DYM: variants seen among roughly 807,000 people sequenced by gnomAD.
DYM encodes dymeclin.
A neutral mutation model predicts 93.1 loss-of-function variants in DYM; 78 were observed. The observed-to-expected ratio is 0.84, with a 90% CI of 0.70 to 1.01. The LOEUF (loss-of-function observed/expected upper bound fraction) is 1.01, where lower values mean the gene tolerates loss of function less well. Ranked by LOEUF, DYM falls within the 50% of genes least tolerant of loss-of-function variation. The pLI is 0.00. For missense variants in DYM, 789 were observed against 845.0 expected (o/e 0.93, Z 0.82); for synonymous variants, 321 against 319.7 (o/e 1.00, Z -0.04).
chr18:49,327,298 G>A (rs766400949), intron 8 of DYM, among the ~76,000 whole-genome samples: 1 of 151,996 alleles, frequency 6.6e-6, no homozygotes, highest in Non-Finnish European at 1.5e-5. Context: ...AGCAGGGGTT[G>A]TGGGTAGATG....
At chr18:49,064,162 T>G (rs527587673) in intron 17 of DYM, among the ~76,000 whole-genome samples, 121 of 152,190 alleles carry the variant, frequency 8.0e-4, no homozygotes, top group Non-Finnish European at 1.6e-3. Flanking sequence ...GAATCCTACA[T>G]GAAACTGATA....
intron 6 of DYM, 127 bp from the exon 7 acceptor site, chr18:49,333,980 T>C: frequency 1.0e-6 from 1 of 966,632 alleles, no homozygotes; most frequent in East Asian, 2.7e-5. Context: ...TGAAAAATGT[T>C]AATACGTTTA....
At chr18:49,374,651 T>G (rs1376795243) in intron 5 of DYM, among the ~76,000 whole-genome samples, 2 of 152,310 alleles carry the variant, frequency 1.3e-5, no homozygotes, top group African/African-American at 4.8e-5. Flanking sequence ...TAATGAAAGG[T>G]AGCTTCAATA....
chr18:49,266,137 C>A (rs546258799), intron 11 of DYM, among the ~76,000 whole-genome samples: 1 of 151,772 alleles, frequency 6.6e-6, no homozygotes, highest in South Asian at 2.1e-4. Flanking sequence ...ATTAAACTAA[C>A]AAAAAATTGG....
intron 5 of DYM, among the ~76,000 whole-genome samples, chr18:49,374,731 G>A (rs2067332281): frequency 6.6e-6 from 1 of 152,136 alleles, no homozygotes; most frequent in African/African-American, 2.4e-5. Context: ...GGCCGAGGTG[G>A]GCAGATCACA....
intron 17 of DYM, among the ~76,000 whole-genome samples, chr18:49,045,099 C>T (rs991964288): frequency 5.9e-5 from 9 of 152,208 alleles, no homozygotes; most frequent in African/African-American, 1.2e-4. Context: ...TTTGCCAAGG[C>T]GTCGCTGGCA....
At chr18:49,388,328 C>CAAAATA (rs545001240) in intron 3 of DYM, among the ~76,000 whole-genome samples, 14 of 149,402 alleles carry the variant, frequency 9.4e-5, no homozygotes, top group Non-Finnish European at 7.4e-5. Context: ...GACCCTGTCT[C>CAAAATA]AAAATAAAAA....
intron 17 of DYM, among the ~76,000 whole-genome samples, chr18:49,056,325 A>G (rs1479609906): frequency 6.6e-6 from 1 of 152,230 alleles, no homozygotes; most frequent in African/African-American, 2.4e-5. Context: ...CTGTTTTCCA[A>G]AACCAAAGTA....
At chr18:49,237,253 C>T (rs1356885352) in intron 13 of DYM, among the ~76,000 whole-genome samples, 1 of 152,110 alleles carries the variant, frequency 6.6e-6, no homozygotes, top group Non-Finnish European at 1.5e-5. Context: ...TATTTTCTTT[C>T]CAGAGCTGTT....
intron 14 of DYM, among the ~76,000 whole-genome samples, chr18:49,203,162 C>T (rs376848622): frequency 0.089 from 7,291 of 82,216 alleles, 524 homozygotes; most frequent in East Asian, 0.27. Context: ...CCAGCCGCCC[C>T]GTCCGGGAGG....
At chr18:49,315,183 C>T (rs558954292) in intron 8 of DYM, among the ~76,000 whole-genome samples, 1 of 151,240 alleles carries the variant, frequency 6.6e-6, no homozygotes, top group South Asian at 2.1e-4. Flanking sequence ...TTACTGCACT[C>T]CAGCCTGGGT....
At position 49,453,459 on chromosome 18, in the gene DYM, A is replaced by C. The variant is rs142712775; in HGVS notation, c.-54+6939T>G. Among the ~76,000 whole-genome samples, 760 of 152,304 alleles carry C rather than the reference A, an allele frequency of 5.0e-3. 5 individuals are homozygous for C. Among genetic ancestry groups the C allele is most frequent in the Middle Eastern group, 0.01 (3 of 294 alleles). On this transcript the variant is annotated intron_variant, in intron 1 of 17. Coordinates refer to ENST00000675505, the MANE Select transcript of DYM (RefSeq NM_001353214.3). ...TGTAACACTCACTGCGAAGGTCTGC[A>C]GCTTCACTCCTGAAGCCAGCGAGAG...
intron 6 of DYM, among the ~76,000 whole-genome samples, chr18:49,354,785 A>G (rs900355245): frequency 2.0e-5 from 3 of 152,122 alleles, no homozygotes; most frequent in African/African-American, 7.2e-5. Flanking sequence ...CCAAACGCTG[A>G]CAAGGATGTG....
chr18:49,231,891 T>A (rs2093705936), intron 13 of DYM, among the ~76,000 whole-genome samples: 1 of 152,152 alleles, frequency 6.6e-6, no homozygotes, highest in Admixed American at 6.5e-5. Flanking sequence ...CTCTTAAAAC[T>A]GCAACGTCTG....
chr18:49,309,635 TA>T (rs990509674), intron 8 of DYM, among the ~76,000 whole-genome samples: 1 of 151,974 alleles, frequency 6.6e-6, no homozygotes, highest in South Asian at 2.1e-4. Context: ...ATCCTGTCTC[TA>T]AAAAAAACAA....
chr18:49,320,035 T>C (rs922896867), intron 8 of DYM, among the ~76,000 whole-genome samples: 3 of 152,140 alleles, frequency 2.0e-5, no homozygotes, highest in African/African-American at 7.2e-5. Context: ...TAAAGCATCA[T>C]CATTCCGTTT....
chr18:49,067,246 AC>A (rs2076497330), intron 17 of DYM, among the ~76,000 whole-genome samples: 1 of 21,894 alleles, frequency 4.6e-5, no homozygotes. Context: ...GAGTGGGGTG[AC>A]ATGTTATGGA....
rs71297073 is a variant in DYM at position 49,317,646 on chromosome 18, CTCCTTCCT to C, written c.763+14210_763+14217del. Among the ~76,000 whole-genome samples the C allele has an allele frequency of 2.7e-3, 100 of 36,608 alleles. 2 individuals carry two copies. The highest frequency in any genetic ancestry group is 2.2e-3 in the Non-Finnish European group (42 of 19,052). The allele number at this position is 36,608 out of a possible 152,430, so 24.0% of individuals were successfully genotyped here. ...CTCCCTCCCTCTCCTATCCTCTCCT[CTCCTTCCT>C]TCCTTCCTTCCTTCCTTCCTTCCTT... On this transcript the variant is annotated intron_variant, in intron 8 of 17. Coordinates refer to ENST00000675505, the MANE Select transcript of DYM (RefSeq NM_001353214.3).
chr18:49,088,227 C>T (rs1277005710), intron 17 of DYM, among the ~76,000 whole-genome samples: 1 of 152,142 alleles, frequency 6.6e-6, no homozygotes, highest in African/African-American at 2.4e-5. Flanking sequence ...AGGTTTTCTT[C>T]TAGGGTTTTT....
Sources: allele counts gnomAD v4.1 joint callset (sites outside exome capture counted in the v4.1 genomes callset), GRCh38; gene constraint gnomAD v4.1.1; transcripts MANE v1.5; gene names NCBI Gene and HGNC (gene_info 2026-07-23, HGNC 2026-07-21).